CSMD1: variants seen among roughly 807,000 people sequenced by gnomAD.
The protein encoded by CSMD1 is CUB and sushi domain-containing protein 1.
Under a neutral mutation model 417.5 loss-of-function variants are expected in CSMD1, and 213 were observed. That is an observed-to-expected ratio of 0.51 (90% confidence interval 0.46 to 0.57). The LOEUF is 0.57. Ranked by LOEUF, CSMD1 falls within the 20% of genes least tolerant of loss-of-function variation. CSMD1 has a pLI of 0.00. For synonymous variants in CSMD1, 2,862 were observed against 1,736.8 expected (o/e 1.65, Z -16.11); for missense variants, 6,923 against 4,529.7 (o/e 1.53, Z -15.17).
intron 3 of CSMD1, among the ~76,000 whole-genome samples, chr8:4,249,857 G>A (rs1319158348): frequency 2.0e-5 from 3 of 152,084 alleles, no homozygotes; most frequent in African/African-American, 4.8e-5. Flanking sequence ...CCTGACCCCC[G>A]GAATTCTTGA....
intron 5 of CSMD1, among the ~76,000 whole-genome samples, chr8:3,845,826 A>G (rs1803467043): frequency 6.6e-6 from 1 of 151,620 alleles, no homozygotes; most frequent in South Asian, 2.1e-4. Flanking sequence ...GCTTTCTTCT[A>G]TTTAATTTTT....
chr8:4,532,267 T>C (rs1796859660), intron 2 of CSMD1, among the ~76,000 whole-genome samples: 1 of 142,768 alleles, frequency 7.0e-6, no homozygotes, highest in Non-Finnish European at 1.5e-5. Flanking sequence ...TCACAGTCAC[T>C]CCAGAAAAGA....
At chr8:4,895,932 T>C (rs1166463818) in intron 1 of CSMD1, among the ~76,000 whole-genome samples, 1 of 152,086 alleles carries the variant, frequency 6.6e-6, no homozygotes, top group African/African-American at 2.4e-5. Context: ...ACCAATTATT[T>C]TTTTGACATC....
At chr8:4,970,846 T>G (rs1228926490) in intron 1 of CSMD1, among the ~76,000 whole-genome samples, 1 of 152,002 alleles carries the variant, frequency 6.6e-6, no homozygotes, top group Non-Finnish European at 1.5e-5. Flanking sequence ...CAAAGTATGG[T>G]AGATTTTGAA....
chr8:4,446,446 G>A (rs1585089129), intron 2 of CSMD1, among the ~76,000 whole-genome samples: 1 of 152,190 alleles, frequency 6.6e-6, no homozygotes, highest in East Asian at 1.9e-4. Context: ...TACTCAGGTG[G>A]CTGAGGTGGG....
chr8:4,685,807 T>C (rs1806347333), intron 1 of CSMD1, among the ~76,000 whole-genome samples: 1 of 152,192 alleles, frequency 6.6e-6, no homozygotes, highest in Non-Finnish European at 1.5e-5. Context: ...AATTGGAGTT[T>C]TTGCCATTAC....
chr8:4,865,396 T>G (rs1466458967), intron 1 of CSMD1, among the ~76,000 whole-genome samples: 1 of 151,834 alleles, frequency 6.6e-6, no homozygotes, highest in Non-Finnish European at 1.5e-5. Flanking sequence ...ACTGATGACT[T>G]TGAGTAATAT....
At chr8:4,316,349 G>C (rs376092279) in intron 3 of CSMD1, among the ~76,000 whole-genome samples, 1 of 152,034 alleles carries the variant, frequency 6.6e-6, no homozygotes. Flanking sequence ...GGTTTCTTAG[G>C]TTATGGTCTT....
intron 3 of CSMD1, among the ~76,000 whole-genome samples, chr8:4,303,049 A>G (rs1367757718): frequency 6.6e-6 from 1 of 152,172 alleles, no homozygotes; most frequent in Non-Finnish European, 1.5e-5. Context: ...GAAAACACAT[A>G]CAAGGAAGTA....
At chr8:3,295,237 G>C (rs1803880377) in intron 25 of CSMD1, among the ~76,000 whole-genome samples, 1 of 152,016 alleles carries the variant, frequency 6.6e-6, no homozygotes, top group Non-Finnish European at 1.5e-5. Flanking sequence ...CCATTCTCCT[G>C]CCTCAGCCTC....
chr8:3,247,609 A>G (rs1227040130), intron 26 of CSMD1, among the ~76,000 whole-genome samples: 5 of 152,174 alleles, frequency 3.3e-5, no homozygotes, highest in African/African-American at 1.2e-4. Flanking sequence ...TGGGGAGAAC[A>G]TCAGCCAGAG....
intron 49 of CSMD1, among the ~76,000 whole-genome samples, chr8:3,077,071 T>C (rs1398305470): frequency 6.6e-6 from 1 of 152,068 alleles, no homozygotes; most frequent in African/African-American, 2.4e-5. Flanking sequence ...CAGGTATGTG[T>C]GTTAAACCCA....
intron 10 of CSMD1, among the ~76,000 whole-genome samples, chr8:3,521,975 T>G (rs113190562): frequency 0.011 from 1,639 of 152,336 alleles, 37 homozygotes; most frequent in South Asian, 0.084. Context: ...TAACAAAACT[T>G]TCATTTCCAC....
chr8:4,369,050 T>G (rs1469103168), intron 3 of CSMD1, among the ~76,000 whole-genome samples: 2 of 152,142 alleles, frequency 1.3e-5, no homozygotes, highest in Non-Finnish European at 2.9e-5. Context: ...GTTGCTAATT[T>G]AAGATCTTTT....
intron 3 of CSMD1, among the ~76,000 whole-genome samples, chr8:4,214,735 A>G (rs189325758): frequency 1.1e-4 from 16 of 152,312 alleles, no homozygotes; most frequent in Admixed American, 2.6e-4. Context: ...AGAGAACTAC[A>G]TATTCCCATA....
chr8:3,253,202 G>T (rs568266624), intron 26 of CSMD1, among the ~76,000 whole-genome samples: 9 of 152,076 alleles, frequency 5.9e-5, no homozygotes, highest in African/African-American at 1.9e-4. Context: ...TGCTTTGTAT[G>T]TGTCCCAGAG....
chr8:4,802,961 A>C (rs1419491733), intron 1 of CSMD1, among the ~76,000 whole-genome samples: 1 of 152,214 alleles, frequency 6.6e-6, no homozygotes, highest in African/African-American at 2.4e-5. Context: ...TTCTACAAGA[A>C]ATTATATTTT....
chr8:3,569,076 A>T (rs6980577), intron 10 of CSMD1, among the ~76,000 whole-genome samples: 1 of 152,178 alleles, frequency 6.6e-6, no homozygotes, highest in African/African-American at 2.4e-5. Context: ...ATATAATATT[A>T]CTTTGCATTG....
chr8:3,910,551 T>C (rs1181302139), intron 5 of CSMD1, among the ~76,000 whole-genome samples: 1 of 152,222 alleles, frequency 6.6e-6, no homozygotes, highest in Non-Finnish European at 1.5e-5. Flanking sequence ...GCCTTCAGAA[T>C]AACTTGAGCA....
Sources: gnomAD v4.1 joint callset for allele counts (sites outside exome capture counted in the v4.1 genomes callset) on GRCh38, gnomAD v4.1.1 for gene constraint, MANE v1.5 for transcripts, NCBI Gene and HGNC (gene_info 2026-07-23, HGNC 2026-07-21) for gene names.